Variants in EPHA7 observed in about 807,000 individuals in gnomAD.
EPHA7 encodes the protein EPH receptor A7.
Under a neutral mutation model 112.6 loss-of-function variants are expected in EPHA7, and 25 were observed. The ratio of observed to expected loss-of-function variants is 0.22; its 90% confidence interval spans 0.16 to 0.31. EPHA7 has a LOEUF of 0.31. Among genes scored for constraint, EPHA7 ranks in the 10% least tolerant of loss-of-function variants. EPHA7 has a pLI of 1.00. For missense variants in EPHA7, 962 were observed against 1,212.6 expected, an observed-to-expected ratio of 0.79 and a Z score of 3.07; for synonymous variants, 437 against 406.5, an observed-to-expected ratio of 1.07 and a Z score of -0.90.
chr6:93,389,923 A>C (rs1171954765), intron 3 of EPHA7, among the ~76,000 whole-genome samples: 1 of 152,006 alleles, frequency 6.6e-6, no homozygotes, highest in African/African-American at 2.4e-5. Flanking sequence ...AAATGATTCC[A>C]GTTGACATCT....
intron 3 of EPHA7, among the ~76,000 whole-genome samples, chr6:93,361,527 A>C (rs1414465145): frequency 6.6e-6 from 1 of 152,060 alleles, no homozygotes; most frequent in African/African-American, 2.4e-5. Flanking sequence ...AAGCAGGGTA[A>C]AGTGGCATAT....
chr6:93,359,132 A>G (rs1776111812), intron 3 of EPHA7, among the ~76,000 whole-genome samples: 1 of 152,100 alleles, frequency 6.6e-6, no homozygotes, highest in Non-Finnish European at 1.5e-5. Context: ...TCCTCTGCCG[A>G]GAGAGGGTTA....
intron 3 of EPHA7, among the ~76,000 whole-genome samples, chr6:93,368,535 T>C (rs3799808): frequency 0.11 from 16,484 of 152,158 alleles, 1,023 homozygotes; most frequent in East Asian, 0.3. Context: ...ATTGCAACTT[T>C]AGTCCAATTC....
chr6:93,346,622 C>T (rs1775418594), intron 5 of EPHA7, among the ~76,000 whole-genome samples: 1 of 151,726 alleles, frequency 6.6e-6, no homozygotes, highest in Non-Finnish European at 1.5e-5. Flanking sequence ...GAAAAAGAGA[C>T]TGTATTCAAT....
intron 3 of EPHA7, among the ~76,000 whole-genome samples, chr6:93,388,622 C>T (rs1285691902): frequency 6.6e-6 from 1 of 152,026 alleles, no homozygotes; most frequent in Non-Finnish European, 1.5e-5. Flanking sequence ...GCCTCTCTGA[C>T]CAGCACGACT....
At chr6:93,387,297 C>A (rs1049457601) in intron 3 of EPHA7, among the ~76,000 whole-genome samples, 8 of 152,112 alleles carry the variant, frequency 5.3e-5, no homozygotes, top group African/African-American at 1.9e-4. Context: ...TAGCAAAAGT[C>A]ACCTTTGCTC....
In EPHA7 at chr6:93,250,801, A is replaced by T. The variant is rs142932223; in HGVS notation, c.2533-3816T>A. ...TTCTAATAAAATTCATTCATAACCA[A>T]TTCTATATCTAAATAGTTCCCAGAG... On this transcript the variant is annotated intron_variant, in intron 14 of 16. Transcript: ENST00000369303. Among the ~76,000 whole-genome samples, 128 of 152,224 alleles carry T rather than the reference A, an allele frequency of 8.4e-4. 3 individuals carry two copies. The East Asian group carries it at 0.024, about 28-fold the overall frequency.
chr6:93,315,142 G>T (rs1018067334), intron 5 of EPHA7, among the ~76,000 whole-genome samples: 1 of 150,336 alleles, frequency 6.7e-6, no homozygotes, highest in African/African-American at 2.5e-5. Flanking sequence ...GATTACAGGC[G>T]TGAGCCACCG....
intron 5 of EPHA7, among the ~76,000 whole-genome samples, chr6:93,319,038 T>C (rs1773940865): frequency 6.6e-6 from 1 of 152,108 alleles, no homozygotes; most frequent in African/African-American, 2.4e-5. Flanking sequence ...AACAAATATT[T>C]ATTAAGGGCC....
intron 5 of EPHA7, among the ~76,000 whole-genome samples, chr6:93,308,376 T>C (rs947215277): frequency 1.3e-5 from 2 of 152,074 alleles, no homozygotes; most frequent in Non-Finnish European, 2.9e-5. Flanking sequence ...CTGTTACAAT[T>C]AGAAGCACTA....
At chr6:93,246,203 C>T (rs1368983916) in intron 15 of EPHA7, among the ~76,000 whole-genome samples, 1 of 151,982 alleles carries the variant, frequency 6.6e-6, no homozygotes, top group East Asian at 1.9e-4. Flanking sequence ...AGGCGCCCGC[C>T]ACCACGCCCA....
chr6:93,252,420 G>C (rs946628777), intron 14 of EPHA7, among the ~76,000 whole-genome samples: 10 of 108,674 alleles, frequency 9.2e-5, no homozygotes, highest in African/African-American at 2.9e-4. Flanking sequence ...ATCTGAGGAA[G>C]GCAACCTTCC....
chr6:93,396,479 T>C (rs1778178766), intron 3 of EPHA7, among the ~76,000 whole-genome samples: 1 of 151,900 alleles, frequency 6.6e-6, no homozygotes, highest in Admixed American at 6.6e-5. Flanking sequence ...TATAACGATA[T>C]AATAAATTAC....
chr6:93,311,644 T>C (rs761182189), intron 5 of EPHA7, among the ~76,000 whole-genome samples: 3 of 151,700 alleles, frequency 2.0e-5, no homozygotes, highest in Non-Finnish European at 4.4e-5. Context: ...CTAACTCCTA[T>C]TGATGTTGAA....
At chr6:93,388,912 C>A (rs113006298) in intron 3 of EPHA7, among the ~76,000 whole-genome samples, 1 of 151,828 alleles carries the variant, frequency 6.6e-6, no homozygotes, top group Non-Finnish European at 1.5e-5. Context: ...ATTGAATTTG[C>A]AATTTAAAAA....
chr6:93,256,734 T>C (rs966121842), intron 12 of EPHA7, among the ~76,000 whole-genome samples: 1 of 152,096 alleles, frequency 6.6e-6, no homozygotes, highest in Non-Finnish European at 1.5e-5. Context: ...CTGAGTTGAT[T>C]AATTTTCTAG....
rs1037823539 is a variant in EPHA7 at position 93,419,119 on chromosome 6, G to A, written c.97+126C>T. The A allele has an allele frequency of 1.2e-5, 8 of 669,760 alleles. No homozygotes were observed. The African/African-American group carries it at 1.6e-4, about 13-fold the overall frequency. The allele number at this position is 669,760 out of a possible 1,614,324, so 41.5% of individuals were successfully genotyped here. ...AGCGGCCTCAGCGGTGAGGGGGCGGGGAGCCGGCGGGGGAGGGTCGCCCGG... is the reference window on the plus strand; with the variant it reads ...AGCGGCCTCAGCGGTGAGGGGGCGGAGAGCCGGCGGGGGAGGGTCGCCCGG... On this transcript the variant is annotated intron_variant, in intron 1 of 16. Coordinates refer to ENST00000369303, the MANE Select transcript of EPHA7 (RefSeq NM_004440.4).
At chr6:93,405,540 A>T (rs889273433) in intron 3 of EPHA7, among the ~76,000 whole-genome samples, 4 of 151,560 alleles carry the variant, frequency 2.6e-5, no homozygotes, top group African/African-American at 9.7e-5. Flanking sequence ...AATGATAAGC[A>T]TTCATTGATT....
intron 3 of EPHA7, among the ~76,000 whole-genome samples, chr6:93,369,417 G>A (rs1030635340): frequency 7.9e-5 from 12 of 152,058 alleles, no homozygotes; most frequent in Admixed American, 5.2e-4. Context: ...AAAAGACAAC[G>A]TAGCCAGTAG....
Sources: allele counts gnomAD v4.1 joint callset (sites outside exome capture counted in the v4.1 genomes callset), GRCh38; gene constraint gnomAD v4.1.1; transcripts MANE v1.5; gene names NCBI Gene and HGNC (gene_info 2026-07-23, HGNC 2026-07-21).